NCOA3: variants seen among roughly 807,000 people sequenced by gnomAD.
The protein encoded by NCOA3 is CBP-interacting protein.
In NCOA3, 51 loss-of-function variants were observed where a neutral mutation model predicts 158.8. That is an observed-to-expected ratio of 0.32 (90% CI 0.26 to 0.41). The LOEUF is 0.41. NCOA3 is among the 10% of genes least tolerant of loss of function. NCOA3 has a pLI of 1.00. For missense variants in NCOA3, 1,510 were observed against 1,746.6 expected, an observed-to-expected ratio of 0.86 and a Z score of 2.41; for synonymous variants, 537 against 592.4, an observed-to-expected ratio of 0.91 and a Z score of 1.36.
At chr20:47,535,749 G>A (rs749316022) in intron 1 of NCOA3, among the ~76,000 whole-genome samples, 2 of 151,866 alleles carry the variant, frequency 1.3e-5, no homozygotes, top group East Asian at 1.9e-4. Flanking sequence ...CTTGTGATCC[G>A]CCCATCTCAG....
At position 47,654,753 on chromosome 20, in the gene NCOA3, A is replaced by C. The variant is rs1218147533; in HGVS notation, c.*1336A>C. 3 of 152,256 alleles carry C rather than the reference A, an allele frequency of 2.0e-5. No individual in the cohort carries two copies. The highest frequency in any genetic ancestry group is 7.2e-5 in the African/African-American group (3 of 41,440). The allele number at this position is 152,256 out of a possible 1,614,324, so 9.4% of individuals were successfully genotyped here. ...GGGGGGAAAGAATAGATATGGGGAA[A>C]TAAACTTAAAAAAAAATCAGGAATT... On this transcript the variant is annotated 3_prime_UTR_variant, in exon 23 of 23. Coordinates refer to ENST00000371998, the MANE Select transcript of NCOA3 (RefSeq NM_181659.3).
At chr20:47,591,325 T>C (rs2085635538) in intron 2 of NCOA3, among the ~76,000 whole-genome samples, 1 of 152,328 alleles carries the variant, frequency 6.6e-6, no homozygotes, top group South Asian at 2.1e-4. Context: ...AAATGTTAGC[T>C]CAGTAGTTCA....
intron 1 of NCOA3, among the ~76,000 whole-genome samples, chr20:47,547,332 G>A (rs1401879972): frequency 1.4e-5 from 2 of 143,138 alleles, no homozygotes; most frequent in Non-Finnish European, 1.5e-5. Flanking sequence ...ACAGCATATC[G>A]TTTCTCTTTA....
chr20:47,542,996 A>G (rs1478085822), intron 1 of NCOA3, among the ~76,000 whole-genome samples: 1 of 152,088 alleles, frequency 6.6e-6, no homozygotes, highest in Non-Finnish European at 1.5e-5. Context: ...CAAACTCCTT[A>G]GTATTTATTA....
In NCOA3 at chr20:47,636,350, G is replaced by T; in HGVS notation, c.1964G>T (p.Ser655Ile). ...AAAGAATCTTCTGTTAGTGTCACCA[G>T]CCCCTCTGGAGTCTCCTCCTCTACA... ...SCKESSVSVTSPSGVSSSTSG... is the reference protein window; with the variant it reads ...SCKESSVSVTIPSGVSSSTSG... The change falls in exon 12 of 23, where the codon AGC becomes ATC. Residue 655 changes from serine to isoleucine, a missense_variant. This residue lies in a region of NCOA3 where 1,017 missense variants were observed against 1,098.3 expected (regional missense o/e 0.93). Coordinates refer to ENST00000371998, the MANE Select transcript of NCOA3 (RefSeq NM_181659.3). 1 of 1,614,158 alleles carries T rather than the reference G, an allele frequency of 6.2e-7. No individual in the cohort carries two copies. The highest frequency in any genetic ancestry group is 8.5e-7 in the Non-Finnish European group (1 of 1,180,026).
chr20:47,637,622 G>C, intron 12 of NCOA3, 26 bp from the exon 13 acceptor site: 1 of 1,581,262 alleles, frequency 6.3e-7, no homozygotes, highest in Non-Finnish European at 8.6e-7. Context: ...ATGTATACAG[G>C]TTAATTTTTA....
At chr20:47,525,736 G>C (rs2084427394) in intron 1 of NCOA3, among the ~76,000 whole-genome samples, 1 of 127,596 alleles carries the variant, frequency 7.8e-6, no homozygotes. Context: ...CTCCATCCCG[G>C]AGGGGGCGGC....
chr20:47,586,817 A>G (rs1224811377), intron 2 of NCOA3, among the ~76,000 whole-genome samples: 1 of 152,160 alleles, frequency 6.6e-6, no homozygotes, highest in Non-Finnish European at 1.5e-5. Flanking sequence ...TTAAGATGTT[A>G]TGGATTCTTG....
chr20:47,605,961 TTTAC>T (rs1304740829), intron 2 of NCOA3, among the ~76,000 whole-genome samples: 1 of 152,166 alleles, frequency 6.6e-6, no homozygotes, highest in African/African-American at 2.4e-5. Flanking sequence ...CATCTGTTTA[TTTAC>T]TTACTTATCT....
At chr20:47,606,657 A>G (rs1174117013) in intron 2 of NCOA3, among the ~76,000 whole-genome samples, 2 of 152,228 alleles carry the variant, frequency 1.3e-5, no homozygotes, top group Non-Finnish European at 2.9e-5. Flanking sequence ...CTGCCAAAGT[A>G]TGATGGCTGT....
chr20:47,644,840 G>A (rs1195750041), intron 17 of NCOA3, among the ~76,000 whole-genome samples: 1 of 152,128 alleles, frequency 6.6e-6, no homozygotes, highest in Non-Finnish European at 1.5e-5. Flanking sequence ...TGGGACTACA[G>A]GCGCACGCCA....
intron 1 of NCOA3, among the ~76,000 whole-genome samples, chr20:47,560,111 G>A (rs555800861): frequency 2.6e-5 from 4 of 151,922 alleles, no homozygotes; most frequent in African/African-American, 4.8e-5. Context: ...AGACAGTTTC[G>A]CTCTGTTGCC....
At chr20:47,514,280 A>G (rs1039382290) in intron 1 of NCOA3, among the ~76,000 whole-genome samples, 1 of 152,042 alleles carries the variant, frequency 6.6e-6, no homozygotes, top group African/African-American at 2.4e-5. Flanking sequence ...ATTTAGGTCC[A>G]TAACAGTTCT....
chr20:47,600,342 T>G (rs2085839719), intron 2 of NCOA3, among the ~76,000 whole-genome samples: 1 of 149,066 alleles, frequency 6.7e-6, no homozygotes, highest in African/African-American at 2.5e-5. Flanking sequence ...GCCCAGCTAA[T>G]TTTTTGTATT....
chr20:47,641,490 CTTTTTTTTTTTTTTTT>C (rs71183270), intron 16 of NCOA3, among the ~76,000 whole-genome samples: 1 of 48,342 alleles, frequency 2.1e-5, no homozygotes, highest in East Asian at 5.5e-4. Flanking sequence ...TGGCTCCCTT[CTTTTTTTTTTTTTTTT>C]TTTTTTTTTT....
intron 19 of NCOA3, among the ~76,000 whole-genome samples, chr20:47,649,868 G>GCTTCCTTGTTGTA (rs916358043): frequency 2.0e-5 from 3 of 151,990 alleles, no homozygotes; most frequent in African/African-American, 7.2e-5. Context: ...GCTGAAATCA[G>GCTTCCTTGTTGTA]CTTCCTTGTT....
chr20:47,554,998 A>G (rs6066379), intron 1 of NCOA3, among the ~76,000 whole-genome samples: 10,238 of 152,288 alleles, frequency 0.067, 443 homozygotes, highest in Non-Finnish European at 0.097. Flanking sequence ...TGGTACTGGT[A>G]CCAAAACAGA....
At chr20:47,586,881 C>T (rs1320712858) in intron 2 of NCOA3, among the ~76,000 whole-genome samples, 2 of 152,168 alleles carry the variant, frequency 1.3e-5, no homozygotes, top group Admixed American at 6.6e-5. Flanking sequence ...ATATGACGTC[C>T]GTCTGTCCCT....
chr20:47,645,018 G>A (rs905933718), intron 17 of NCOA3, among the ~76,000 whole-genome samples: 1 of 152,060 alleles, frequency 6.6e-6, no homozygotes, highest in East Asian at 1.9e-4. Context: ...ATTTCCACAT[G>A]TAGAGTTGTT....
Sources: allele counts gnomAD v4.1 joint callset (sites outside exome capture counted in the v4.1 genomes callset), GRCh38; gene constraint gnomAD v4.1.1; regional missense constraint gnomAD v4.1.1; transcripts MANE v1.5; gene names NCBI Gene and HGNC (gene_info 2026-07-23, HGNC 2026-07-21).